The following RAB21 variants were observed in gnomAD, a reference collection of about 807,000 sequenced individuals.
RAB21 encodes the protein RAB21, member RAS oncogene family.
Under a neutral mutation model 33.1 loss-of-function variants are expected in RAB21, and 13 were observed. The observed-to-expected ratio is 0.39, with a 90% CI of 0.26 to 0.62. The LOEUF (loss-of-function observed/expected upper bound fraction) is 0.62, where lower values mean the gene tolerates loss of function less well. Ranked by LOEUF, RAB21 falls within the 20% of genes least tolerant of loss-of-function variation. The pLI, the probability that RAB21 is intolerant of heterozygous loss-of-function variation, is 0.48. For missense variants in RAB21, 234 were observed against 279.1 expected (o/e 0.84, Z 1.15); for synonymous variants, 91 against 103.7 (o/e 0.88, Z 0.74).
In RAB21 at chr12:71,769,755, C is replaced by G. The variant is rs202059405; in HGVS notation, c.160-45C>G. The G allele has an allele frequency of 3.8e-6, 4 of 1,049,272 alleles. No individual in the cohort carries two copies. The Admixed American group carries it at 1.1e-4, about 29-fold the overall frequency. The allele number at this position is 1,049,272 out of a possible 1,614,324, so 65.0% of individuals were successfully genotyped here. A position where few individuals can be genotyped will look rare whatever the true frequency, so the allele number is the denominator to read the frequency against. On this transcript the variant is annotated intron_variant, in intron 1 of 6. Transcript: ENST00000261263. ...ATCTATAGTTGTTAGGATAAAGAAC[C>G]TTATTTTATAAGAAACATTGTTTAA...
intron 6 of RAB21, among the ~76,000 whole-genome samples, chr12:71,782,882 T>A (rs138768244): frequency 1.2e-4 from 18 of 152,134 alleles, no homozygotes; most frequent in Admixed American, 4.6e-4. Flanking sequence ...ATCATAAGTA[T>A]GGTGTGGGCT....
Position 71,785,615 on chromosome 12 carries a change from T to G in RAB21, c.620T>G (p.Ile207Ser). 6.2e-7 allele frequency: 1 copy of G among 1,614,130 alleles called. No homozygotes were observed. The highest frequency in any genetic ancestry group is 1.1e-5 in the South Asian group (1 of 91,078). ...GGAACTGCAAGGCGAGGTGTACAGA[T>G]TATTGATGATGAACCTCAAGCCCAG... ...QPGTARRGVQ[I>S]IDDEPQAQTS... Residue 207 changes from isoleucine (I) to serine (S), a missense_variant, in exon 7 of 7, where the codon ATT becomes AGT. Physicochemically the swap from Ile to Ser is moderately radical, Grantham distance 142. Transcript: ENST00000261263.
At chr12:71,771,990 A>T (rs1883049938) in intron 3 of RAB21, among the ~76,000 whole-genome samples, 1 of 151,706 alleles carries the variant, frequency 6.6e-6, no homozygotes, top group African/African-American at 2.4e-5. Context: ...AAAAAAAAAG[A>T]TCGAGTCATT....
In RAB21 at chr12:71,790,609, T is replaced by G. The variant is rs1045992923; in HGVS notation, c.*4936T>G. The G allele has an allele frequency of 1.3e-5, 2 of 152,186 alleles. No individual in the cohort carries two copies. Among genetic ancestry groups the G allele is most frequent in the Non-Finnish European group, 2.9e-5 (2 of 68,028 alleles). The allele number at this position is 152,186 out of a possible 1,614,324, so 9.4% of individuals were successfully genotyped here. A position where few individuals can be genotyped will look rare whatever the true frequency, so the allele number is the denominator to read the frequency against. On this transcript the variant is annotated 3_prime_UTR_variant, in exon 7 of 7. Transcript: ENST00000261263. ...AAAAACATATATTGTCAAAGTGCCCTTTGGTAGTGCTCCCAAATGGTAGTA... is the reference window on the plus strand; with the variant it reads ...AAAAACATATATTGTCAAAGTGCCCGTTGGTAGTGCTCCCAAATGGTAGTA...
chr12:71,761,576 G>C (rs1882872393), intron 1 of RAB21, among the ~76,000 whole-genome samples: 1 of 152,128 alleles, frequency 6.6e-6, no homozygotes, highest in Non-Finnish European at 1.5e-5. Flanking sequence ...TACTCAGGAG[G>C]CTAAGGAAGG....
chr12:71,782,858 TTAATG>T (rs530928213), intron 6 of RAB21, among the ~76,000 whole-genome samples, 200 bp downstream of exon 6: 3 of 152,190 alleles, frequency 2.0e-5, no homozygotes, highest in South Asian at 4.1e-4. Flanking sequence ...CAAGCAGTAA[TTAATG>T]GTTATGAAAT....
In RAB21 at chr12:71,785,585, A is replaced by T; in HGVS notation, c.590A>T (p.Gln197Leu). ...AGAGCAAAAGGCAATGGCTCTAGTC[A>T]GCCGGGAACTGCAAGGCGAGGTGTA... ...DERAKGNGSS[Q>L]PGTARRGVQI... The change falls in exon 7 of 7, where the codon CAG (glutamine) becomes CTG (leucine). Residue 197 changes from glutamine (Q) to leucine (L), a missense_variant. Coordinates refer to ENST00000261263, the MANE Select transcript of RAB21 (RefSeq NM_014999.4). 1.9e-6 allele frequency: 3 copies of T among 1,614,214 alleles called. No homozygotes were observed. The highest frequency in any genetic ancestry group is 1.7e-6 in the Non-Finnish European group (2 of 1,180,040).
At chr12:71,763,097 G>GCACACA (rs926924426) in intron 1 of RAB21, among the ~76,000 whole-genome samples, 46 of 50,392 alleles carry the variant, frequency 9.1e-4, no homozygotes, top group African/African-American at 1.7e-3. Flanking sequence ...TATTTATTTT[G>GCACACA]CACGCACACA....
intron 1 of RAB21, among the ~76,000 whole-genome samples, chr12:71,766,015 T>G (rs1030951929): frequency 6.6e-6 from 1 of 152,140 alleles, no homozygotes; most frequent in Non-Finnish European, 1.5e-5. Context: ...GAGCAGGGCT[T>G]AAGTTTTTCA....
Position 71,755,192 on chromosome 12 carries a change from G to C in RAB21, c.63G>C (p.Lys21Asn), listed in dbSNP as rs1882765059. ...CGGCGGGCCGAGCCTACTCGTTCAA[G>C]GTGGTGCTGCTGGGGGAAGGCTGCG... ...AAAAGRAYSFKVVLLGEGCVG... is the reference protein window; with the variant it reads ...AAAAGRAYSFNVVLLGEGCVG... Residue 21 changes from lysine (K) to asparagine (N), a missense_variant, in exon 1 of 7, where the codon AAG (lysine) becomes AAC (asparagine). Transcript: ENST00000261263. 6.6e-7 allele frequency: 1 copy of C among 1,521,184 alleles called. No homozygotes were observed. The highest frequency in any genetic ancestry group is 8.8e-7 in the Non-Finnish European group (1 of 1,138,712). 94.2% of individuals were successfully genotyped at this position (1,521,184 alleles called of 1,614,324 possible). A position where few individuals can be genotyped will look rare whatever the true frequency, so the allele number is the denominator to read the frequency against.
chr12:71,761,650 C>T (rs1565884584), intron 1 of RAB21, among the ~76,000 whole-genome samples: 1 of 151,920 alleles, frequency 6.6e-6, no homozygotes, highest in Non-Finnish European at 1.5e-5. Context: ...TGTGCTCCAG[C>T]CTGGGCAACA....
intron 6 of RAB21, among the ~76,000 whole-genome samples, chr12:71,783,438 A>G (rs527581652): frequency 9.9e-5 from 15 of 151,786 alleles, no homozygotes; most frequent in African/African-American, 3.4e-4. Context: ...CTAGAAAAGA[A>G]TATTGATATG....
intron 2 of RAB21, 21 bp downstream of exon 2, chr12:71,769,880 A>G (rs372347257): frequency 1.6e-6 from 2 of 1,274,772 alleles, no homozygotes; most frequent in African/African-American, 1.5e-5. Flanking sequence ...TTTTTCAACT[A>G]TTATGCGTGG....
At chr12:71,764,419 A>C (rs1006088460) in intron 1 of RAB21, among the ~76,000 whole-genome samples, 1 of 152,158 alleles carries the variant, frequency 6.6e-6, no homozygotes, top group African/African-American at 2.4e-5. Context: ...AAGAAAAGAC[A>C]AATTTCAGCC....
At chr12:71,780,414 CT>C (rs1487650701) in intron 4 of RAB21, among the ~76,000 whole-genome samples, 1 of 152,170 alleles carries the variant, frequency 6.6e-6, no homozygotes, top group Non-Finnish European at 1.5e-5. Context: ...CCAGGTGGTG[CT>C]TTTTGCATTC....
intron 1 of RAB21, among the ~76,000 whole-genome samples, chr12:71,764,657 C>T (rs927481135): frequency 1.3e-5 from 2 of 152,026 alleles, no homozygotes; most frequent in Non-Finnish European, 2.9e-5. Context: ...ATTTCTTACA[C>T]CTTTGCATCC....
intron 3 of RAB21, among the ~76,000 whole-genome samples, chr12:71,771,942 C>T (rs1883049042): frequency 6.6e-6 from 1 of 151,360 alleles, no homozygotes; most frequent in Non-Finnish European, 1.5e-5. Context: ...CGCCACTGGA[C>T]TCCAGCCTGG....
intron 1 of RAB21, among the ~76,000 whole-genome samples, chr12:71,762,478 T>C (rs1020190039): frequency 6.6e-6 from 1 of 151,690 alleles, no homozygotes; most frequent in Non-Finnish European, 1.5e-5. Context: ...GCTAATTTTT[T>C]GTATTTTTAG....
intron 4 of RAB21, among the ~76,000 whole-genome samples, chr12:71,781,107 A>G (rs967580536): frequency 6.6e-6 from 1 of 152,130 alleles, no homozygotes; most frequent in Admixed American, 6.5e-5. Flanking sequence ...TAAACTTATA[A>G]TTTAAATCTG....
Sources: allele counts gnomAD v4.1 joint callset (sites outside exome capture counted in the v4.1 genomes callset), GRCh38; gene constraint gnomAD v4.1.1; transcripts MANE v1.5; gene names NCBI Gene and HGNC (gene_info 2026-07-23, HGNC 2026-07-21).